The following DYNC2H1 variants were observed in gnomAD, a reference collection of about 807,000 sequenced individuals.
DYNC2H1 encodes dynein cytoplasmic 2 heavy chain 1, also known as cytoplasmic dynein 2 heavy chain 1.
DYNC2H1 carries 410 observed loss-of-function variants against 570.0 expected under a neutral mutation model. The observed-to-expected ratio is 0.72, with a 90% CI of 0.66 to 0.78. The LOEUF is 0.78. DYNC2H1 is among the 30% of genes least tolerant of loss of function. The pLI is 0.00. For missense variants in DYNC2H1, 4,865 were observed against 5,046.4 expected (o/e 0.96, Z 1.09); for synonymous variants, 1,688 against 1,677.6 (o/e 1.01, Z -0.15).
At chr11:103,459,308 CAAAAAAAAAAAAA>C (rs33941099) in intron 87 of DYNC2H1, among the ~76,000 whole-genome samples, 2 of 52,426 alleles carry the variant, frequency 3.8e-5, no homozygotes, top group African/African-American at 1.5e-4. Flanking sequence ...GACTCCGTCT[CAAAAAAAAAAAAA>C]AAAAAAAAAA....
In DYNC2H1 at chr11:103,395,069, C is replaced by A. The variant is rs1177939327; in HGVS notation, c.12157-4594C>A. Reference sequence around the variant, plus strand: ...GATATGTACATAATATACAGACATGCAGATATGGGCATAATTTAATCCAGA... The same window carrying A: ...GATATGTACATAATATACAGACATGAAGATATGGGCATAATTTAATCCAGA... On this transcript the variant is annotated intron_variant, in intron 83 of 88. Transcript: ENST00000375735. The surrounding 1 kb of genome is among the most constrained non-coding windows in gnomAD (Gnocchi z 4.3). Among the ~76,000 whole-genome samples, 3 of 152,074 alleles carry A rather than the reference C, an allele frequency of 2.0e-5. No homozygotes were observed. Among genetic ancestry groups the A allele is most frequent in the African/African-American group, 7.2e-5 (3 of 41,404 alleles).
In DYNC2H1 at chr11:103,116,526, G is replaced by A. The variant is rs200666592; in HGVS notation, c.622-44G>A. On this transcript the variant is annotated intron_variant, in intron 4 of 88. Transcript: ENST00000375735. ...GAACATTTTGATTATATTACCCAAGGTACAAATATAATTATGTTTAAAAAT... is the reference window on the plus strand; with the variant it reads ...GAACATTTTGATTATATTACCCAAGATACAAATATAATTATGTTTAAAAAT... 35 of 1,480,080 alleles carry A rather than the reference G, an allele frequency of 2.4e-5. No individual in the cohort carries two copies. The African/African-American group carries it at 4.8e-4, about 20-fold the overall frequency. The allele number at this position is 1,480,080 out of a possible 1,614,324, so 91.7% of individuals were successfully genotyped here.
At position 103,245,023 on chromosome 11, in the gene DYNC2H1, A is replaced by G. The variant is rs1864559436; in HGVS notation, c.9919-228A>G. On this transcript the variant is annotated intron_variant, in intron 64 of 88. Coordinates refer to ENST00000375735, the MANE Select transcript of DYNC2H1 (RefSeq NM_001377.3). This position sits in a 1 kb window ranked among gnomAD's most constrained non-coding sequence, Gnocchi z 4.5. ...AATTATCAGACCTATCCACCAAGAAAATTTTACTAGAATTCATCATCTTGC... is the reference window on the plus strand; with the variant it reads ...AATTATCAGACCTATCCACCAAGAAGATTTTACTAGAATTCATCATCTTGC... 6.6e-6 allele frequency among the ~76,000 whole-genome samples: 1 copy of G among 151,690 alleles called. No homozygotes were observed. Among genetic ancestry groups the G allele is most frequent in the Admixed American group, 6.6e-5 (1 of 15,168 alleles).
chr11:103,265,311 C>T (rs1422185834), intron 70 of DYNC2H1, among the ~76,000 whole-genome samples: 7 of 152,128 alleles, frequency 4.6e-5, no homozygotes, highest in African/African-American at 7.2e-5. Flanking sequence ...CAAACCACCA[C>T]GGCACATGTA....
At chr11:103,250,379 A>T (rs1479594052) in intron 65 of DYNC2H1, among the ~76,000 whole-genome samples, 4 of 151,978 alleles carry the variant, frequency 2.6e-5, no homozygotes, top group African/African-American at 9.7e-5. Context: ...TTCACAGGGG[A>T]CATATGCAGG....
rs1446775190 is a variant in DYNC2H1, at chr11:103,319,939, G to A, written c.11726-1090G>A. ...ACAACTTTATTCTTCCACTATATAG[G>A]TCCCCTTATCCTGCAGGAGGCAACC... On this transcript the variant is annotated intron_variant, in intron 80 of 88. Transcript: ENST00000375735. The surrounding 1 kb of genome is among the most constrained non-coding windows in gnomAD (Gnocchi z 4.3). 6.6e-6 allele frequency among the ~76,000 whole-genome samples: 1 copy of A among 152,004 alleles called. No homozygotes were observed. Among genetic ancestry groups the A allele is most frequent in the Non-Finnish European group, 1.5e-5 (1 of 67,994 alleles).
rs750322585 is a variant in DYNC2H1, at chr11:103,286,334, G to A, written c.10970G>A (p.Cys3657Tyr). The A allele has an allele frequency of 6.2e-7, 1 of 1,613,654 alleles. No individual in the cohort carries two copies. The highest frequency in any genetic ancestry group is 8.5e-7 in the Non-Finnish European group (1 of 1,179,760). Residue 3657 changes from cysteine to tyrosine, a missense_variant, in exon 74 of 89, where the codon TGT (cysteine) becomes TAT (tyrosine). Cys to Tyr is a radical substitution (Grantham distance 194). Coordinates refer to ENST00000375735, the MANE Select transcript of DYNC2H1 (RefSeq NM_001377.3). Reference sequence around the variant, plus strand: ...CGTACTTATTATAATAATTCAATGTGTGAGCAAGAGTTTCCATCTATCCTT... The same window carrying A: ...CGTACTTATTATAATAATTCAATGTATGAGCAAGAGTTTCCATCTATCCTT... ...LWRTYYNNSMCEQEFPSILAK... is the reference protein window; with the variant it reads ...LWRTYYNNSMYEQEFPSILAK...
chr11:103,353,538 T>C (rs1332902759), intron 82 of DYNC2H1, among the ~76,000 whole-genome samples: 1 of 152,178 alleles, frequency 6.6e-6, no homozygotes, highest in African/African-American at 2.4e-5. Context: ...GCAAAAGTAA[T>C]TGCAGTTTTT....
At chr11:103,179,419 T>A (rs957863131) in intron 39 of DYNC2H1, among the ~76,000 whole-genome samples, 186 bp downstream of exon 39, 4 of 151,912 alleles carry the variant, frequency 2.6e-5, no homozygotes, top group African/African-American at 9.7e-5. Context: ...TGAATTATTT[T>A]AGGAGTTTTA....
Position 103,204,013 on chromosome 11 carries a change from AG to A in DYNC2H1, c.8311+239del, listed in dbSNP as rs1344360113. On this transcript the variant is annotated intron_variant, in intron 51 of 88. Coordinates refer to ENST00000375735, the MANE Select transcript of DYNC2H1 (RefSeq NM_001377.3). This position sits in a 1 kb window ranked among gnomAD's most constrained non-coding sequence, Gnocchi z 4.1. Reference sequence around the variant, plus strand: ...ACACTGAGCAATTTACAAAAGAAAGAGGTTTATTGGACTCACAGTTCCCACA... The same window carrying A: ...ACACTGAGCAATTTACAAAAGAAAGAGTTTATTGGACTCACAGTTCCCACA... 9.9e-5 allele frequency among the ~76,000 whole-genome samples: 15 copies of A among 152,126 alleles called. No homozygotes were observed. The highest frequency in any genetic ancestry group is 9.8e-4 in the Admixed American group (15 of 15,252).
At chr11:103,194,824 T>A (rs931169884) in intron 47 of DYNC2H1, among the ~76,000 whole-genome samples, 2 of 152,140 alleles carry the variant, frequency 1.3e-5, no homozygotes, top group African/African-American at 2.4e-5. Context: ...CTCAAGTGAT[T>A]CTTCTGCCTC....
chr11:103,140,700 G>A (rs1859864396), intron 17 of DYNC2H1, among the ~76,000 whole-genome samples: 1 of 151,972 alleles, frequency 6.6e-6, no homozygotes, highest in African/African-American at 2.4e-5. Flanking sequence ...TGCTCTTCTC[G>A]AGGAGTATCT....
Position 103,263,098 on chromosome 11 carries a change from A to T in DYNC2H1, c.10695+3121A>T, listed in dbSNP as rs1260038001. 2.6e-5 allele frequency among the ~76,000 whole-genome samples: 4 copies of T among 151,934 alleles called. No homozygotes were observed. In the East Asian group the frequency reaches 7.7e-4, roughly 29 times the overall value. On this transcript the variant is annotated intron_variant, in intron 70 of 88. Coordinates refer to ENST00000375735, the MANE Select transcript of DYNC2H1 (RefSeq NM_001377.3). ...CAAAACAGACTTTAAATGAACAAAG[A>T]TCAAAAAAGACAAGGGCATTGCATA...
chr11:103,116,147 A>T lies in DYNC2H1; in HGVS notation c.622-423A>T, dbSNP rs191103977. On this transcript the variant is annotated intron_variant, in intron 4 of 88. Transcript: ENST00000375735. ...TTTTAAGCTTTTTTTGGTAACAATG[A>T]TGAAATATAGCATGACAAATCTGGA... Among the ~76,000 whole-genome samples the T allele has an allele frequency of 4.3e-4, 66 of 152,278 alleles. 1 individual carries two copies. Among genetic ancestry groups the T allele is most frequent in the Non-Finnish European group, 5.3e-4 (36 of 67,994 alleles).
intron 17 of DYNC2H1, among the ~76,000 whole-genome samples, chr11:103,140,691 G>T (rs1228709764): frequency 6.6e-6 from 1 of 152,116 alleles, no homozygotes; most frequent in Non-Finnish European, 1.5e-5. Flanking sequence ...TCTTGGAGTT[G>T]CTCTTCTCGA....
intron 87 of DYNC2H1, among the ~76,000 whole-genome samples, chr11:103,459,462 T>C (rs898474949): frequency 2.3e-4 from 35 of 151,814 alleles, no homozygotes; most frequent in African/African-American, 8.2e-4. Flanking sequence ...CCCGCAAGAG[T>C]AGTAACAATA....
chr11:103,450,385 A>G (rs1438950063), intron 85 of DYNC2H1, among the ~76,000 whole-genome samples: 2 of 152,210 alleles, frequency 1.3e-5, no homozygotes, highest in African/African-American at 4.8e-5. Context: ...CAAAAGCAGA[A>G]TGCGCATTCA....
chr11:103,142,489 G>T (rs1860001407), intron 17 of DYNC2H1, among the ~76,000 whole-genome samples: 1 of 152,040 alleles, frequency 6.6e-6, no homozygotes. Context: ...CGTCAACATG[G>T]CGAAACATCA....
rs1859375431 is a variant in DYNC2H1 at position 103,133,425 on chromosome 11, T to C, written c.1954-130T>C. 2 of 787,152 alleles carry C rather than the reference T, an allele frequency of 2.5e-6. No homozygotes were observed. Among genetic ancestry groups the C allele is most frequent in the Admixed American group, 3.5e-5 (1 of 28,350 alleles). The allele number at this position is 787,152 out of a possible 1,614,324, so 48.8% of individuals were successfully genotyped here. On this transcript the variant is annotated intron_variant, in intron 13 of 88. Transcript: ENST00000375735. This position sits in a 1 kb window ranked among gnomAD's most constrained non-coding sequence, Gnocchi z 4.8. ...CCAGACTGCCTTATCATTTATAAAA[T>C]GGAAAATTATTATGTGCTTTCTTTG...
Sources: allele counts gnomAD v4.1 joint callset (sites outside exome capture counted in the v4.1 genomes callset), GRCh38; gene constraint gnomAD v4.1.1; non-coding constraint Gnocchi (gnomAD v3.1); transcripts MANE v1.5; gene names NCBI Gene and HGNC (gene_info 2026-07-23, HGNC 2026-07-21).